RBM25: variants seen among roughly 807,000 people sequenced by gnomAD.
RBM25 encodes RNA binding motif protein 25.
RBM25 carries 19 observed loss-of-function variants against 120.7 expected under a neutral mutation model. That is an observed-to-expected ratio of 0.16 (90% CI 0.11 to 0.23). The LOEUF (loss-of-function observed/expected upper bound fraction) is 0.23, where lower values mean the gene tolerates loss of function less well. RBM25 is among the 10% of genes least tolerant of loss of function. RBM25 has a pLI of 1.00. For missense variants in RBM25, 605 were observed against 1,041.5 expected (o/e 0.58, Z 5.77); for synonymous variants, 390 against 326.7 (o/e 1.19, Z -2.09).
At chr14:73,117,226 T>C (rs1011774900) in intron 18 of RBM25, among the ~76,000 whole-genome samples, 13 of 117,774 alleles carry the variant, frequency 1.1e-4, no homozygotes, top group African/African-American at 3.3e-4. Flanking sequence ...TTTTTTTTTT[T>C]TTTTTTTTTT....
At chr14:73,079,916 G>C (rs922690015) in intron 4 of RBM25, among the ~76,000 whole-genome samples, 8 of 150,458 alleles carry the variant, frequency 5.3e-5, no homozygotes, top group Non-Finnish European at 1.0e-4. Context: ...CCTAATCTGA[G>C]GTCTGCAGAG....
At chr14:73,078,760 AC>A in intron 4 of RBM25, among the ~76,000 whole-genome samples, 1 of 152,224 alleles carries the variant, frequency 6.6e-6, no homozygotes, top group South Asian at 2.1e-4. Flanking sequence ...GCGTGCCATG[AC>A]ACCTGGCTCA....
intron 4 of RBM25, among the ~76,000 whole-genome samples, chr14:73,081,429 A>G (rs1295650155): frequency 6.6e-6 from 1 of 152,138 alleles, no homozygotes; most frequent in Non-Finnish European, 1.5e-5. Context: ...CTTCTTTTCT[A>G]GAGCTCCTCC....
chr14:73,094,810 GGTGTGT>G (rs60336075), intron 6 of RBM25, among the ~76,000 whole-genome samples: 1,986 of 145,154 alleles, frequency 0.014, 23 homozygotes, highest in South Asian at 0.048. Flanking sequence ...ACAGGAGCGA[GGTGTGT>G]GTGTGTGTGT....
intron 10 of RBM25, 138 bp downstream of exon 10, chr14:73,103,616 A>G: frequency 7.7e-7 from 1 of 1,301,032 alleles, no homozygotes; most frequent in South Asian, 1.9e-5. Flanking sequence ...CTCAGCCTGG[A>G]CTGCAGTGGC....
intron 1 of RBM25, chr14:73,068,093 C>T: frequency 3.1e-6 from 2 of 640,654 alleles, no homozygotes; most frequent in South Asian, 3.2e-5. Flanking sequence ...GAGCTACGAC[C>T]ACCCCAACTT....
At chr14:73,061,121 G>T (rs887678728) in intron 1 of RBM25, among the ~76,000 whole-genome samples, 2 of 149,712 alleles carry the variant, frequency 1.3e-5, no homozygotes, top group Non-Finnish European at 3.0e-5. Flanking sequence ...GTAGTGGCGC[G>T]ATCTCACCTC....
chr14:73,118,343 T>C (rs1295420270), intron 18 of RBM25, among the ~76,000 whole-genome samples: 1 of 151,902 alleles, frequency 6.6e-6, no homozygotes, highest in African/African-American at 2.4e-5. Context: ...CCAGGAGTAG[T>C]GGTGCACACC....
Position 73,111,631 on chromosome 14 carries a change from C to G in RBM25, c.2121C>G (p.Pro707=). 6.2e-7 allele frequency: 1 copy of G among 1,614,002 alleles called. No homozygotes were observed. The highest frequency in any genetic ancestry group is 8.5e-7 in the Non-Finnish European group (1 of 1,179,992). ...AGGATGAAGACAGTGATGACGTACC[C>G]CGAAAAAGGAAACTGGTTCCCTTGG... is the stretch of plus-strand genomic sequence containing the variant. ...KFEDEDSDDV[P]RKRKLVPLDY... The change falls in exon 16 of 19, where the codon CCC becomes CCG. Residue 707 remains proline, a synonymous_variant. Coordinates refer to ENST00000261973, the MANE Select transcript of RBM25 (RefSeq NM_021239.3).
chr14:73,103,613 T>G, intron 10 of RBM25, 135 bp downstream of exon 10: 1 of 1,300,390 alleles, frequency 7.7e-7, no homozygotes, highest in South Asian at 1.9e-5. Flanking sequence ...TCACTCAGCC[T>G]GGACTGCAGT....
chr14:73,080,469 C>T (rs576757809), intron 4 of RBM25, among the ~76,000 whole-genome samples: 5 of 152,094 alleles, frequency 3.3e-5, no homozygotes, highest in East Asian at 3.9e-4. Flanking sequence ...GTGATCTGCC[C>T]GCTTTGGCCT....
intron 4 of RBM25, among the ~76,000 whole-genome samples, chr14:73,080,502 C>T (rs1025790640): frequency 2.0e-5 from 3 of 152,042 alleles, no homozygotes; most frequent in Non-Finnish European, 4.4e-5. Context: ...GGATTACAGG[C>T]GTGAGCCACC....
intron 7 of RBM25, among the ~76,000 whole-genome samples, chr14:73,097,400 C>T (rs1288524221): frequency 3.3e-5 from 5 of 151,886 alleles, no homozygotes; most frequent in Non-Finnish European, 5.9e-5. Flanking sequence ...GGGGTTTCAC[C>T]GTGTTAGCCA....
At chr14:73,084,254 C>T (rs1271918674) in intron 5 of RBM25, among the ~76,000 whole-genome samples, 2 of 152,112 alleles carry the variant, frequency 1.3e-5, no homozygotes, top group Non-Finnish European at 2.9e-5. Flanking sequence ...GAAGTCCACA[C>T]ATTGCAACTA....
Position 73,067,068 on chromosome 14 carries a change from T to G in RBM25, c.-15-4559T>G, listed in dbSNP as rs1304983697. Among the ~76,000 whole-genome samples the G allele has an allele frequency of 3.0e-3, 207 of 68,840 alleles. 1 individual carries two copies. Among genetic ancestry groups the G allele is most frequent in the African/African-American group, 6.4e-3 (190 of 29,610 alleles). The allele number at this position is 68,840 out of a possible 152,430, so 45.2% of individuals were successfully genotyped here. A position where few individuals can be genotyped will look rare whatever the true frequency, so the allele number is the denominator to read the frequency against. ...GGAGGTAAAGTTTGGATACATATAA[T>G]TTTTTTTTTTTTTTTTTTTGATGTG... On this transcript the variant is annotated intron_variant, in intron 1 of 18. Transcript: ENST00000261973.
intron 4 of RBM25, among the ~76,000 whole-genome samples, chr14:73,081,488 CT>C (rs1365686968): frequency 6.8e-6 from 1 of 146,972 alleles, no homozygotes; most frequent in Non-Finnish European, 1.5e-5. Context: ...TCTAAGTCTA[CT>C]TTTATCCTTG....
intron 18 of RBM25, among the ~76,000 whole-genome samples, chr14:73,118,413 G>A (rs1286013713): frequency 1.3e-5 from 2 of 151,856 alleles, no homozygotes; most frequent in Non-Finnish European, 2.9e-5. Context: ...GGGAGGTCAA[G>A]GCTGTAGTGC....
At chr14:73,075,673 C>T (rs1458034152) in intron 2 of RBM25, among the ~76,000 whole-genome samples, 1 of 152,134 alleles carries the variant, frequency 6.6e-6, no homozygotes, top group African/African-American at 2.4e-5. Context: ...TATTACTTTA[C>T]ATACTTATTT....
rs1454769336 is a variant in RBM25 at position 73,111,690 on chromosome 14, G to A, written c.2180G>A (p.Gly727Asp). The change falls in exon 16 of 19, where the codon GGC (glycine) becomes GAC (aspartate). Residue 727 changes from glycine (G) to aspartate (D), a missense_variant. By Grantham distance (94) the Gly-to-Asp change is moderately conservative. Around this residue, in one of 4 missense-constraint regions of RBM25, gnomAD observed 465 missense variants for 741.6 expected, o/e 0.63. Coordinates refer to ENST00000261973, the MANE Select transcript of RBM25 (RefSeq NM_021239.3). ...YGEDDKNATK[G>D]TVNTEEKRKH... ...GAAGATGATAAAAATGCAACCAAAGGCACTGTAAACACTGAAGAAAAGCGT... is the reference window on the plus strand; with the variant it reads ...GAAGATGATAAAAATGCAACCAAAGACACTGTAAACACTGAAGAAAAGCGT... The A allele has an allele frequency of 6.2e-7, 1 of 1,614,098 alleles. No homozygotes were observed. Among genetic ancestry groups the A allele is most frequent in the Non-Finnish European group, 8.5e-7 (1 of 1,180,024 alleles).
Sources: gnomAD v4.1 joint callset for allele counts (sites outside exome capture counted in the v4.1 genomes callset) on GRCh38, gnomAD v4.1.1 for gene constraint, gnomAD v4.1.1 regional missense constraint, MANE v1.5 for transcripts, NCBI Gene and HGNC (gene_info 2026-07-23, HGNC 2026-07-21) for gene names.